TATDN2: variants seen among roughly 807,000 people sequenced by gnomAD.
The protein encoded by TATDN2 is 3'-5' RNA nuclease TATDN2.
In TATDN2, 44 loss-of-function variants were observed where a neutral mutation model predicts 60.3. That is an observed-to-expected ratio of 0.73 (90% CI 0.57 to 0.94). The LOEUF is 0.94. TATDN2 is among the 40% of genes least tolerant of loss of function. TATDN2 has a pLI of 0.00. For missense variants in TATDN2, 997 were observed against 948.0 expected (o/e 1.05, Z -0.68); for synonymous variants, 399 against 355.8 (o/e 1.12, Z -1.37).
Position 10,249,458 on chromosome 3 carries a change from A to T in TATDN2, c.258A>T (p.Pro86=), listed in dbSNP as rs1698188131. The T allele has an allele frequency of 6.2e-7, 1 of 1,613,750 alleles. No homozygotes were observed. Among genetic ancestry groups the T allele is most frequent in the African/African-American group, 1.3e-5 (1 of 75,010 alleles). The part of the protein sequence containing the change: ...RRNNSSSSFS[P]HFLGPGVGGA... ...ATAACTCCTCCTCCTCCTTCTCCCC[A>T]CATTTCTTGGGCCCTGGTGTGGGCG... The change falls in exon 2 of 8, where the codon CCA becomes CCT. Residue 86 remains proline (P), a synonymous_variant. Coordinates refer to ENST00000448281, the MANE Select transcript of TATDN2 (RefSeq NM_014760.4).
chr3:10,255,659 A>C (rs57815544), intron 2 of TATDN2, among the ~76,000 whole-genome samples: 4,563 of 152,236 alleles, frequency 0.03, 224 homozygotes, highest in African/African-American at 0.1. Flanking sequence ...TTATGACTCC[A>C]GGCTGGGTGC....
chr3:10,261,619 T>C (rs893218405), intron 3 of TATDN2, among the ~76,000 whole-genome samples: 5 of 152,144 alleles, frequency 3.3e-5, no homozygotes, highest in Admixed American at 1.3e-4. Context: ...CCACCTGCCT[T>C]GGCCTCCCAA....
chr3:10,274,343 G>A (rs906477081), intron 4 of TATDN2, among the ~76,000 whole-genome samples: 15 of 152,124 alleles, frequency 9.9e-5, no homozygotes. Context: ...ACAGTGGCTT[G>A]TCTTCCATGC....
intron 5 of TATDN2, 59 bp downstream of exon 5, chr3:10,276,547 T>C: frequency 4.0e-6 from 6 of 1,518,960 alleles, no homozygotes; most frequent in Middle Eastern, 1.7e-4. Flanking sequence ...GTCAAGTTGA[T>C]GAGGACAGCA....
intron 4 of TATDN2, among the ~76,000 whole-genome samples, 169 bp downstream of exon 4, chr3:10,271,184 C>T (rs1698558679): frequency 6.6e-6 from 1 of 152,168 alleles, no homozygotes; most frequent in African/African-American, 2.4e-5. Context: ...AAATGCTTTA[C>T]AAGCTATTTC....
In TATDN2 at chr3:10,270,624, C is replaced by G. The variant is rs763702997; in HGVS notation, c.1442C>G (p.Ser481Cys). 3.7e-6 allele frequency: 6 copies of G among 1,614,112 alleles called. No homozygotes were observed. The South Asian group carries it at 5.5e-5, about 15-fold the overall frequency. The change falls in exon 4 of 8, where the codon TCC becomes TGC. Residue 481 changes from serine (S) to cysteine (C), a missense_variant. Transcript: ENST00000448281. ...PRPCGGHASS[S>C]LPKSHLEPSL... Reference sequence around the variant, plus strand: ...CCTTGTGGAGGACACGCATCCAGCTCCCTGCCAAAGAGCCACCTGGAGCCA... The same window carrying G: ...CCTTGTGGAGGACACGCATCCAGCTGCCTGCCAAAGAGCCACCTGGAGCCA...
intron 3 of TATDN2, among the ~76,000 whole-genome samples, chr3:10,266,213 A>G (rs1419484891): frequency 6.6e-6 from 1 of 152,192 alleles, no homozygotes; most frequent in Non-Finnish European, 1.5e-5. Flanking sequence ...TATGCTATAT[A>G]TATAATTGGA....
rs766318675 is a variant in TATDN2, at chr3:10,271,024, G to T, written c.1833+9G>T. 1.3e-6 allele frequency: 2 copies of T among 1,540,934 alleles called. No individual in the cohort carries two copies. The highest frequency in any genetic ancestry group is 4.5e-5 in the East Asian group (2 of 44,254). ...TCCCAGAACAGCACAAGGTAACAAGGCTCTCTTTAGTCTGCTTATAGTTTT... is the reference window on the plus strand; with the variant it reads ...TCCCAGAACAGCACAAGGTAACAAGTCTCTCTTTAGTCTGCTTATAGTTTT... On this transcript the variant is annotated intron_variant, in intron 4 of 7. Coordinates refer to ENST00000448281, the MANE Select transcript of TATDN2 (RefSeq NM_014760.4).
chr3:10,251,788 G>A (rs1698235493), intron 2 of TATDN2, among the ~76,000 whole-genome samples: 1 of 152,024 alleles, frequency 6.6e-6, no homozygotes, highest in African/African-American at 2.4e-5. Context: ...TCAAACTCCT[G>A]GGGTCAAGCA....
At chr3:10,262,161 C>G (rs911276841) in intron 3 of TATDN2, among the ~76,000 whole-genome samples, 2 of 151,900 alleles carry the variant, frequency 1.3e-5, no homozygotes, top group Non-Finnish European at 2.9e-5. Context: ...TTTTTTTTCT[C>G]TCTTGGAGGT....
In TATDN2 at chr3:10,280,129, C is replaced by T. The variant is rs1280351344; in HGVS notation, c.*947C>T. 6.5e-6 allele frequency: 1 copy of T among 153,776 alleles called. No homozygotes were observed. Among genetic ancestry groups the T allele is most frequent in the African/African-American group, 2.4e-5 (1 of 41,450 alleles). 9.5% of individuals were successfully genotyped at this position (153,776 alleles called of 1,614,324 possible). A position where few individuals can be genotyped will look rare whatever the true frequency, so the allele number is the denominator to read the frequency against. ...TGTGTACAGTCCTTTGTGTACCCCG[C>T]CCAGGTTGAGAGGTGAATCAGCGTA... is the stretch of plus-strand genomic sequence containing the variant. On this transcript the variant is annotated 3_prime_UTR_variant, in exon 8 of 8. Coordinates refer to ENST00000448281, the MANE Select transcript of TATDN2 (RefSeq NM_014760.4).
Position 10,270,540 on chromosome 3 carries a change from G to T in TATDN2, c.1358G>T (p.Ser453Ile). Reference protein sequence around the residue: ...QNSRSFRFSRSSEEREVKEKR... With the variant: ...QNSRSFRFSRISEEREVKEKR... ...TCTCGTTCATTTCGCTTCTCCAGAAGCTCAGAAGAAAGAGAGGTGAAGGAG... is the reference window on the plus strand; with the variant it reads ...TCTCGTTCATTTCGCTTCTCCAGAATCTCAGAAGAAAGAGAGGTGAAGGAG... Residue 453 changes from serine (S) to isoleucine (I), a missense_variant, in exon 4 of 8, where the codon AGC (serine) becomes ATC (isoleucine). Coordinates refer to ENST00000448281, the MANE Select transcript of TATDN2 (RefSeq NM_014760.4). 3 of 1,614,244 alleles carry T rather than the reference G, an allele frequency of 1.9e-6. No homozygotes were observed. The highest frequency in any genetic ancestry group is 2.5e-6 in the Non-Finnish European group (3 of 1,180,044).
chr3:10,264,735 A>G (rs1433963986), intron 3 of TATDN2, among the ~76,000 whole-genome samples: 1 of 150,936 alleles, frequency 6.6e-6, no homozygotes, highest in African/African-American at 2.4e-5. Context: ...CTGGAGTGCA[A>G]TGGCTTGGTC....
rs112172890 is a variant in TATDN2, at chr3:10,276,716, G to A, written c.1961+228G>A. ...CAATTCTCCTGCCTCAGCCTCCTGA[G>A]TAGCTGGGATTACCGGCACATGCCA... On this transcript the variant is annotated intron_variant, in intron 5 of 7. Transcript: ENST00000448281. Among the ~76,000 whole-genome samples the A allele has an allele frequency of 9.6e-4, 146 of 152,138 alleles. 2 individuals carry two copies. The highest frequency in any genetic ancestry group is 3.3e-3 in the African/African-American group (136 of 41,500).
rs10285 is a variant in TATDN2, at chr3:10,279,833, G to A, written c.*651G>A. On this transcript the variant is annotated 3_prime_UTR_variant, in exon 8 of 8. Coordinates refer to ENST00000448281, the MANE Select transcript of TATDN2 (RefSeq NM_014760.4). ...GGTTCCACTGCCATTGATATGGGGG[G>A]GTGCAGAGGAGCACTCATTGTCCAT... The A allele has an allele frequency of 0.088, 13,431 of 153,278 alleles. 810 individuals carry two copies. The highest frequency in any genetic ancestry group is 0.26 in the East Asian group (1,354 of 5,158). The allele number at this position is 153,278 out of a possible 1,614,324, so 9.5% of individuals were successfully genotyped here. A position where few individuals can be genotyped will look rare whatever the true frequency, so the allele number is the denominator to read the frequency against.
At chr3:10,270,104 C>T (rs1448846789) in intron 3 of TATDN2, 27 bp from the exon 4 acceptor site, 1 of 1,586,558 alleles carries the variant, frequency 6.3e-7, no homozygotes, top group Non-Finnish European at 8.6e-7. Context: ...AAGGCTAACC[C>T]ACTGTTGTAT....
rs2125178284 is a variant in TATDN2 at position 10,268,298 on chromosome 3, A to T, written c.949-1833A>T. 2.0e-5 allele frequency among the ~76,000 whole-genome samples: 3 copies of T among 152,350 alleles called. 1 individual carries two copies. The South Asian group carries it at 6.2e-4, about 32-fold the overall frequency. On this transcript the variant is annotated intron_variant, in intron 3 of 7. Coordinates refer to ENST00000448281, the MANE Select transcript of TATDN2 (RefSeq NM_014760.4). ...TAATACTTGTTTCCTGTTAGAGTGT[A>T]GTTAGGGGTATGAAATATTAGTACA...
At position 10,276,441 on chromosome 3, in the gene TATDN2, G is replaced by A. The variant is rs1284097581; in HGVS notation, c.1914G>A (p.Leu638=). ...VIHCREADED[L]LEIMKKFVPP... ...ACTGCCGAGAAGCTGATGAAGATCT[G>A]CTAGAAATCATGAAAAAGTTTGTGC... Residue 638 remains leucine, a synonymous_variant, in exon 5 of 8, where the codon CTG becomes CTA. Coordinates refer to ENST00000448281, the MANE Select transcript of TATDN2 (RefSeq NM_014760.4). 1 of 1,614,018 alleles carries A rather than the reference G, an allele frequency of 6.2e-7. No homozygotes were observed. The highest frequency in any genetic ancestry group is 8.5e-7 in the Non-Finnish European group (1 of 1,179,984).
chr3:10,278,924 G>T lies in TATDN2; in HGVS notation c.2185G>T (p.Ala729Ser), dbSNP rs1318757211. 2.5e-6 allele frequency: 4 copies of T among 1,613,272 alleles called. No individual in the cohort carries two copies. The South Asian group carries it at 4.4e-5, about 18-fold the overall frequency. Residue 729 changes from alanine (A) to serine (S), a missense_variant, in exon 7 of 8, where the codon GCC (alanine) becomes TCC (serine). By Grantham distance (99) the Ala-to-Ser change is moderately conservative. Coordinates refer to ENST00000448281, the MANE Select transcript of TATDN2 (RefSeq NM_014760.4). This position sits in a 1 kb window ranked among gnomAD's most constrained non-coding sequence, Gnocchi z 4.7. ...SLCQYAHPGL[A>S]LHTVREIARV... ...TTGCCAGTATGCCCACCCGGGCCTGGCCTTGCATACGGTCCGAGAGATTGC... is the reference window on the plus strand; with the variant it reads ...TTGCCAGTATGCCCACCCGGGCCTGTCCTTGCATACGGTCCGAGAGATTGC...
Sources: gnomAD v4.1 joint callset for allele counts (sites outside exome capture counted in the v4.1 genomes callset) on GRCh38, gnomAD v4.1.1 for gene constraint, Gnocchi (gnomAD v3.1) non-coding constraint, MANE v1.5 for transcripts, NCBI Gene and HGNC (gene_info 2026-07-23, HGNC 2026-07-21) for gene names.